The following TACC1 variants were observed in gnomAD, a reference collection of about 807,000 sequenced individuals.
The protein encoded by TACC1 is transforming acidic coiled-coil-containing protein 1.
Under a neutral mutation model 84.4 loss-of-function variants are expected in TACC1, and 48 were observed. The ratio of observed to expected loss-of-function variants is 0.57; its 90% CI spans 0.45 to 0.72. The LOEUF (loss-of-function observed/expected upper bound fraction) is 0.72, where lower values mean the gene tolerates loss of function less well. TACC1 is among the 30% of genes least tolerant of loss of function. The pLI is 0.00. For missense variants in TACC1, 920 were observed against 973.0 expected, an observed-to-expected ratio of 0.95 and a Z score of 0.72; for synonymous variants, 372 against 376.3, an observed-to-expected ratio of 0.99 and a Z score of 0.13.
At chr8:38,745,133 G>C (rs184550999) in exon 3 of TACC1, 50 of 218,862 alleles carry the variant, frequency 2.3e-4, no homozygotes, top group Admixed American at 1.1e-3. Context: ...AGAAAAGCAA[G>C]AGTCAAAGAA....
At chr8:38,755,242 T>C (rs1216489078) in intron 3 of TACC1, among the ~76,000 whole-genome samples, 1 of 151,692 alleles carries the variant, frequency 6.6e-6, no homozygotes, top group African/African-American at 2.4e-5. Context: ...ACAACTAAAA[T>C]GTAGTCACAT....
At chr8:38,808,472 G>C (rs1823278566) in intron 2 of TACC1, among the ~76,000 whole-genome samples, 1 of 152,230 alleles carries the variant, frequency 6.6e-6, no homozygotes, top group Non-Finnish European at 1.5e-5. Context: ...GAGTGCAGTG[G>C]TGTGATCATA....
intron 2 of TACC1, among the ~76,000 whole-genome samples, chr8:38,807,580 A>C (rs1823063217): frequency 6.6e-6 from 1 of 152,272 alleles, no homozygotes; most frequent in Non-Finnish European, 1.5e-5. Context: ...GTGTTAATGC[A>C]CATTGTTTTC....
chr8:38,737,462 A>T (rs1806190007), intron 1 of TACC1, among the ~76,000 whole-genome samples: 1 of 152,156 alleles, frequency 6.6e-6, no homozygotes, highest in Admixed American at 6.5e-5. Flanking sequence ...AGCTTCCTTC[A>T]TGGAGAAAAT....
chr8:38,750,073 T>G (rs1017980432), intron 3 of TACC1, among the ~76,000 whole-genome samples: 1 of 152,300 alleles, frequency 6.6e-6, no homozygotes, highest in South Asian at 2.1e-4. Context: ...CTCAGGAGAC[T>G]GAGGCAGGAG....
chr8:38,824,227 C>A (rs1029274868), intron 3 of TACC1, among the ~76,000 whole-genome samples: 3 of 152,200 alleles, frequency 2.0e-5, no homozygotes, highest in Admixed American at 6.5e-5. Flanking sequence ...TTGGCCTTTA[C>A]ACCTTAGGTG....
At chr8:38,821,770 C>T (rs1826869140) in intron 3 of TACC1, among the ~76,000 whole-genome samples, 1 of 152,188 alleles carries the variant, frequency 6.6e-6, no homozygotes, top group African/African-American at 2.4e-5. Context: ...CACTTAGCCA[C>T]AGGGTAAGCC....
intron 1 of TACC1, among the ~76,000 whole-genome samples, chr8:38,742,054 C>T (rs557703022): frequency 6.6e-6 from 1 of 152,236 alleles, no homozygotes; most frequent in Admixed American, 6.5e-5. Context: ...CACTTGGCAG[C>T]TGTTTCCACA....
intron 1 of TACC1, among the ~76,000 whole-genome samples, chr8:38,738,900 T>C (rs1204788327): frequency 1.3e-5 from 2 of 152,048 alleles, no homozygotes; most frequent in Non-Finnish European, 2.9e-5. Context: ...TGCTGACTTC[T>C]TTTTTTTGAG....
intron 4 of TACC1, among the ~76,000 whole-genome samples, chr8:38,826,876 C>CA (rs1387681380): frequency 4.6e-5 from 7 of 152,112 alleles, no homozygotes; most frequent in Non-Finnish European, 5.9e-5. Flanking sequence ...GGTATATGAG[C>CA]AAAAAAATTG....
intron 2 of TACC1, among the ~76,000 whole-genome samples, chr8:38,800,292 A>G (rs898376149): frequency 1.3e-5 from 2 of 152,230 alleles, no homozygotes; most frequent in Admixed American, 6.5e-5. Context: ...TTCACCATTT[A>G]AAAGCTTTAT....
intron 2 of TACC1, among the ~76,000 whole-genome samples, chr8:38,800,899 T>A (rs1278999148): frequency 6.6e-6 from 1 of 152,254 alleles, no homozygotes; most frequent in East Asian, 1.9e-4. Flanking sequence ...CCATATCCTC[T>A]CCAACACTTC....
At chr8:38,809,051 G>A (rs1823437516) in intron 2 of TACC1, among the ~76,000 whole-genome samples, 1 of 152,062 alleles carries the variant, frequency 6.6e-6, no homozygotes, top group African/African-American at 2.4e-5. Flanking sequence ...GGCCGGGGGT[G>A]TATTTTCAGT....
intron 2 of TACC1, among the ~76,000 whole-genome samples, chr8:38,744,411 G>C (rs74716243): frequency 0.12 from 18,780 of 152,086 alleles, 1,238 homozygotes; most frequent in South Asian, 0.18. Context: ...CCACCGCACC[G>C]AGCCTGACAC....
At chr8:38,810,476 T>TATACA (rs1428290730) in intron 2 of TACC1, among the ~76,000 whole-genome samples, 3 of 152,208 alleles carry the variant, frequency 2.0e-5, no homozygotes, top group East Asian at 3.9e-4. Context: ...ACTGGCTGTA[T>TATACA]GCCTGTTGTC....
At chr8:38,773,229 G>A (rs910319454) in intron 3 of TACC1, among the ~76,000 whole-genome samples, 8 of 151,998 alleles carry the variant, frequency 5.3e-5, no homozygotes, top group Admixed American at 4.6e-4. Context: ...AGGAAGCTGA[G>A]GCAGGAGAAT....
chr8:38,739,389 A>G (rs553275105), intron 1 of TACC1, among the ~76,000 whole-genome samples: 1 of 152,364 alleles, frequency 6.6e-6, no homozygotes, highest in South Asian at 2.1e-4. Flanking sequence ...ATATAGTGGT[A>G]TTAGAGTGGT....
At chr8:38,750,901 C>T (rs970210276) in intron 3 of TACC1, among the ~76,000 whole-genome samples, 6 of 151,962 alleles carry the variant, frequency 3.9e-5, no homozygotes, top group Non-Finnish European at 5.9e-5. Context: ...CCACGAAAAT[C>T]GTAACTTTTT....
At chr8:38,739,737 G>C (rs1324094803) in intron 1 of TACC1, among the ~76,000 whole-genome samples, 2 of 152,162 alleles carry the variant, frequency 1.3e-5, no homozygotes, top group African/African-American at 4.8e-5. Context: ...ATATAAAACA[G>C]TTTCACACCC....
Sources: gnomAD v4.1 joint callset for allele counts (sites outside exome capture counted in the v4.1 genomes callset) on GRCh38, gnomAD v4.1.1 for gene constraint, MANE v1.5 for transcripts, NCBI Gene and HGNC (gene_info 2026-07-23, HGNC 2026-07-21) for gene names.